The following SYCP2 variants were observed in gnomAD, a reference collection of about 807,000 sequenced individuals.
SYCP2 encodes the protein synaptonemal complex protein 2.
SYCP2 carries 55 observed loss-of-function variants against 211.3 expected under a neutral mutation model. That is an observed-to-expected ratio of 0.26 (90% CI 0.21 to 0.33). The LOEUF (loss-of-function observed/expected upper bound fraction) is 0.33. SYCP2 is among the 10% of genes least tolerant of loss of function. The pLI, the probability that SYCP2 is intolerant of heterozygous loss-of-function variation, is 1.00. For missense variants in SYCP2, 1,731 were observed against 1,752.0 expected (o/e 0.99, Z 0.21); for synonymous variants, 570 against 555.2 (o/e 1.03, Z -0.37).
At chr20:59,901,002 C>T (rs2060105512) in intron 16 of SYCP2, among the ~76,000 whole-genome samples, 184 bp from the exon 17 acceptor site, 1 of 151,912 alleles carries the variant, frequency 6.6e-6, no homozygotes, top group African/African-American at 2.4e-5. Flanking sequence ...CCCCTTTAAC[C>T]AGTCACCTTA....
intron 1 of SYCP2, chr20:59,933,333 C>T: frequency 6.6e-6 from 1 of 151,920 alleles, no homozygotes; most frequent in Non-Finnish European, 1.5e-5. Flanking sequence ...CTCGCGCCTG[C>T]GCGAGCCACC....
At chr20:59,930,695 A>G (rs767410922) in intron 2 of SYCP2, among the ~76,000 whole-genome samples, 18 of 152,204 alleles carry the variant, frequency 1.2e-4, no homozygotes, top group Non-Finnish European at 2.5e-4. Context: ...AAACACTAAA[A>G]TAGTGAATAA....
At chr20:59,930,970 A>G (rs769284352) in intron 2 of SYCP2, among the ~76,000 whole-genome samples, 6 of 152,230 alleles carry the variant, frequency 3.9e-5, no homozygotes, top group African/African-American at 7.2e-5. Flanking sequence ...AGTCTTCATT[A>G]TAACATGATT....
In SYCP2 at chr20:59,879,140, A is replaced by T. The variant is rs566606988; in HGVS notation, c.2942-1095T>A. On this transcript the variant is annotated intron_variant, in intron 31 of 44. Transcript: ENST00000357552. ...ACTAGACTGTAAGCTCCCTGAGGGC[A>T]TGTGAATCTTACTATATTTATCTTT... Among the ~76,000 whole-genome samples the T allele has an allele frequency of 4.6e-5, 7 of 152,192 alleles. No individual in the cohort carries two copies. In the South Asian group the frequency reaches 1.5e-3, roughly 32 times the overall value.
In SYCP2 at chr20:59,891,890, CAT is replaced by C. The variant is rs997883573; in HGVS notation, c.2364+98_2364+99del. ...GCACTGAATTAAACAAGGTATTACA[CAT>C]GTTAAATGTGTAGCAATTAATCAAG... is the stretch of plus-strand genomic sequence containing the variant. On this transcript the variant is annotated intron_variant, in intron 24 of 44. Coordinates refer to ENST00000357552, the MANE Select transcript of SYCP2 (RefSeq NM_014258.4). The C allele has an allele frequency of 1.6e-5, 17 of 1,035,938 alleles. No homozygotes were observed. The African/African-American group carries it at 2.4e-4, about 15-fold the overall frequency. 64.2% of individuals were successfully genotyped at this position (1,035,938 alleles called of 1,614,324 possible).
Position 59,900,241 on chromosome 20 carries a change from A to C in SYCP2, c.1301T>G (p.Leu434Arg). ...ESQISPVGEELVSLKEKSKSP... is the reference protein window; with the variant it reads ...ESQISPVGEERVSLKEKSKSP... ...CTTTGATTTTTCCTTTAAACTAACG[A>C]GCTCTTCTCCGACTGGTGAGATTTG... The change falls in exon 18 of 45, where the codon CTC becomes CGC. Residue 434 changes from leucine to arginine, a missense_variant. Around this residue, in one of 3 missense-constraint regions of SYCP2, gnomAD observed 1,387 missense variants for 1,351.3 expected, o/e 1.03. Transcript: ENST00000357552. The C allele has an allele frequency of 6.2e-7, 1 of 1,612,488 alleles. No homozygotes were observed. Among genetic ancestry groups the C allele is most frequent in the South Asian group, 1.1e-5 (1 of 90,924 alleles).
chr20:59,876,409 A>C (rs1008294264), intron 33 of SYCP2, among the ~76,000 whole-genome samples: 2 of 142,358 alleles, frequency 1.4e-5, no homozygotes, highest in East Asian at 4.0e-4. Flanking sequence ...AAAAAAAAAA[A>C]AAGAAGAAGT....
At chr20:59,874,645 A>G (rs1169024029) in intron 34 of SYCP2, among the ~76,000 whole-genome samples, 1 of 152,094 alleles carries the variant, frequency 6.6e-6, no homozygotes, top group Admixed American at 6.6e-5. Context: ...TAACTGATTT[A>G]AGTCTTGTAT....
At chr20:59,879,840 TATATATATATATATATATATATAC>T (rs1568921898) in intron 31 of SYCP2, among the ~76,000 whole-genome samples, 6 of 123,794 alleles carry the variant, frequency 4.8e-5, no homozygotes, top group African/African-American at 3.9e-5. Flanking sequence ...TATATATATA[TATATATATATATATATATATATAC>T]ACACACACAC....
In SYCP2 at chr20:59,909,084, T is replaced by A. The variant is rs144451764; in HGVS notation, c.973-1660A>T. Among the ~76,000 whole-genome samples the A allele has an allele frequency of 8.5e-4, 129 of 152,298 alleles. No homozygotes were observed. The Middle Eastern group carries it at 0.024, about 28-fold the overall frequency. On this transcript the variant is annotated intron_variant, in intron 14 of 44. Coordinates refer to ENST00000357552, the MANE Select transcript of SYCP2 (RefSeq NM_014258.4). ...TCCTCTCATAAAACCTCCTTTCCTT[T>A]GTCGTCCGTAACACTATACCCTTTT...
At chr20:59,881,858 A>G (rs1231870294) in intron 28 of SYCP2, 87 bp downstream of exon 28, 1 of 1,015,768 alleles carries the variant, frequency 9.8e-7, no homozygotes, top group Non-Finnish European at 1.5e-6. Flanking sequence ...ATGAGGATGC[A>G]CATTAAAAAC....
intron 26 of SYCP2, among the ~76,000 whole-genome samples, chr20:59,885,301 G>A (rs2059764068): frequency 6.6e-6 from 1 of 152,084 alleles, no homozygotes; most frequent in Non-Finnish European, 1.5e-5. Context: ...AAAGCTGGTA[G>A]TGAATGTGAT....
intron 4 of SYCP2, 68 bp from the exon 5 acceptor site, chr20:59,920,555 G>T: frequency 8.0e-7 from 1 of 1,246,616 alleles, no homozygotes; most frequent in Non-Finnish European, 1.1e-6. Flanking sequence ...ATTGTACAAG[G>T]AGTGTTACAC....
At chr20:59,908,347 C>G (rs146120933) in intron 14 of SYCP2, among the ~76,000 whole-genome samples, 1 of 152,144 alleles carries the variant, frequency 6.6e-6, no homozygotes, top group African/African-American at 2.4e-5. Context: ...TAAATCCTTA[C>G]TATTTTCACC....
chr20:59,900,633 G>A (rs897377411), intron 17 of SYCP2, 111 bp downstream of exon 17: 3 of 743,156 alleles, frequency 4.0e-6, no homozygotes, highest in Non-Finnish European at 4.5e-6. Flanking sequence ...TGTTTATATT[G>A]AGACCATTTG....
intron 26 of SYCP2, among the ~76,000 whole-genome samples, chr20:59,882,655 A>C (rs1254684046): frequency 6.6e-6 from 1 of 152,132 alleles, no homozygotes; most frequent in East Asian, 1.9e-4. Flanking sequence ...TGGAGGCCAA[A>C]GTAAAGTGAA....
intron 15 of SYCP2, among the ~76,000 whole-genome samples, chr20:59,903,236 A>G (rs995437236): frequency 6.6e-6 from 1 of 152,066 alleles, no homozygotes; most frequent in South Asian, 2.1e-4. Context: ...TTCCTTTTTA[A>G]TTAGTTAGTG....
At chr20:59,897,774 C>T (rs1209142541) in intron 18 of SYCP2, among the ~76,000 whole-genome samples, 1 of 151,910 alleles carries the variant, frequency 6.6e-6, no homozygotes, top group African/African-American at 2.4e-5. Flanking sequence ...AATAATCAGG[C>T]AAAGCTCCAC....
intron 22 of SYCP2, 141 bp from the exon 23 acceptor site, chr20:59,892,842 T>A: frequency 3.3e-5 from 23 of 692,752 alleles, no homozygotes; most frequent in Non-Finnish European, 4.5e-5. Flanking sequence ...CTTACAGTTC[T>A]ACTGTATATT....
Sources: gnomAD v4.1 joint callset for allele counts (sites outside exome capture counted in the v4.1 genomes callset) on GRCh38, gnomAD v4.1.1 for gene constraint, gnomAD v4.1.1 regional missense constraint, MANE v1.5 for transcripts, NCBI Gene and HGNC (gene_info 2026-07-23, HGNC 2026-07-21) for gene names.